Variants in PTPRB observed in about 807,000 individuals in gnomAD.
The protein encoded by PTPRB is receptor-type tyrosine-protein phosphatase beta.
In PTPRB, 97 loss-of-function variants were observed where a neutral mutation model predicts 238.1. The ratio of observed to expected loss-of-function variants is 0.41; its 90% CI spans 0.35 to 0.48. PTPRB has a LOEUF of 0.48. Ranked by LOEUF, PTPRB falls within the 20% of genes least tolerant of loss-of-function variation. PTPRB has a pLI of 0.30. For missense variants in PTPRB, 2,292 were observed against 2,681.9 expected (o/e 0.85, Z 3.21); for synonymous variants, 970 against 995.4 (o/e 0.97, Z 0.48).
chr12:70,617,010 A>G (rs879176105), intron 3 of PTPRB, among the ~76,000 whole-genome samples: 1 of 152,190 alleles, frequency 6.6e-6, no homozygotes, highest in Admixed American at 6.5e-5. Context: ...TCCACCAATA[A>G]TGTATTTTTC....
At chr12:70,564,471 A>G (rs1394972410) in intron 15 of PTPRB, among the ~76,000 whole-genome samples, 1 of 149,912 alleles carries the variant, frequency 6.7e-6, no homozygotes, top group Non-Finnish European at 1.5e-5. Context: ...GTGAGCTAAG[A>G]TCGCACCACT....
At chr12:70,559,050 C>CAGT (rs1220985457) in intron 18 of PTPRB, 1 of 519,748 alleles carries the variant, frequency 1.9e-6, no homozygotes, top group East Asian at 3.0e-5. Flanking sequence ...GATTACCTAA[C>CAGT]AAGTGTCTCC....
chr12:70,545,128 A>T (rs1447359804), intron 21 of PTPRB, among the ~76,000 whole-genome samples: 4 of 152,206 alleles, frequency 2.6e-5, no homozygotes, highest in Admixed American at 1.3e-4. Context: ...GAACTAAAAG[A>T]TTTGCTGATG....
At chr12:70,610,020 G>C (rs1480702673) in intron 3 of PTPRB, among the ~76,000 whole-genome samples, 1 of 151,966 alleles carries the variant, frequency 6.6e-6, no homozygotes, top group African/African-American at 2.4e-5. Context: ...GCGGACGCGA[G>C]AGGCGGCGGG....
At chr12:70,634,772 A>C (rs1885607801) in intron 2 of PTPRB, among the ~76,000 whole-genome samples, 1 of 152,234 alleles carries the variant, frequency 6.6e-6, no homozygotes, top group Non-Finnish European at 1.5e-5. Flanking sequence ...CAATTTACTT[A>C]ACCCTGAAAA....
At chr12:70,600,820 T>C (rs10784863) in intron 4 of PTPRB, among the ~76,000 whole-genome samples, 35,849 of 151,790 alleles carry the variant, frequency 0.24, 4,373 homozygotes, top group African/African-American at 0.3. Flanking sequence ...CTCAGCCTCA[T>C]GAGTAGCCAG....
intron 4 of PTPRB, among the ~76,000 whole-genome samples, chr12:70,598,532 G>T (rs917175783): frequency 6.6e-5 from 10 of 151,966 alleles, no homozygotes; most frequent in Admixed American, 5.2e-4. Context: ...TTTCCTATCT[G>T]GGGAGTATAA....
At chr12:70,583,261 G>A (rs544203827) in intron 9 of PTPRB, among the ~76,000 whole-genome samples, 1 of 152,036 alleles carries the variant, frequency 6.6e-6, no homozygotes, top group Non-Finnish European at 1.5e-5. Flanking sequence ...TCCCTTTCTG[G>A]CAGTATGATA....
At chr12:70,623,270 C>T (rs1230137233) in intron 2 of PTPRB, among the ~76,000 whole-genome samples, 1 of 152,118 alleles carries the variant, frequency 6.6e-6, no homozygotes, top group Non-Finnish European at 1.5e-5. Flanking sequence ...TCTGGAAGAA[C>T]AGAGAATTGA....
At chr12:70,528,645 G>A (rs950688596) in intron 32 of PTPRB, among the ~76,000 whole-genome samples, 8 of 152,232 alleles carry the variant, frequency 5.3e-5, no homozygotes, top group Admixed American at 2.0e-4. Context: ...ATCTCCCCAC[G>A]TAAATAAACA....
At chr12:70,587,410 A>C (rs1882028944) in intron 8 of PTPRB, 143 bp from the exon 9 acceptor site, 1 of 1,025,094 alleles carries the variant, frequency 9.8e-7, no homozygotes, top group Non-Finnish European at 1.4e-6. Context: ...TTAAAACAAA[A>C]TCTTATCACA....
chr12:70,532,230 A>G, intron 31 of PTPRB, 60 bp from the exon 32 acceptor site: 3 of 1,496,010 alleles, frequency 2.0e-6, no homozygotes, highest in South Asian at 2.7e-5. Flanking sequence ...TCAAGATTGC[A>G]TCTAGAGACT....
At position 70,635,662 on chromosome 12, in the gene PTPRB, A is replaced by G; in HGVS notation, c.451+9T>C. Reference sequence around the variant, plus strand: ...ACTTTCAGGATTTGCTCTGAAAGGAATAGCTCACCTTTTTGTAAACAGAGG... The same window carrying G: ...ACTTTCAGGATTTGCTCTGAAAGGAGTAGCTCACCTTTTTGTAAACAGAGG... On this transcript the variant is annotated intron_variant, in intron 2 of 33. Transcript: ENST00000334414. 3 of 1,611,450 alleles carry G rather than the reference A, an allele frequency of 1.9e-6. No individual in the cohort carries two copies. Among genetic ancestry groups the G allele is most frequent in the Non-Finnish European group, 2.5e-6 (3 of 1,178,344 alleles).
In PTPRB at chr12:70,515,930, T is replaced by C. The variant is rs548451460; in HGVS notation, c.*5559A>G. The C allele has an allele frequency of 1.1e-4, 2 of 18,566 alleles. No individual in the cohort carries two copies. The highest frequency in any genetic ancestry group is 1.8e-4 in the Non-Finnish European group (2 of 11,134). 1.2% of individuals were successfully genotyped at this position (18,566 alleles called of 1,614,324 possible). ...GAATGTATGCAAGATGCTATATAGA[T>C]TTTTTTTTTACCACAGTTACAAATA... On this transcript the variant is annotated 3_prime_UTR_variant, in exon 34 of 34. Transcript: ENST00000334414.
intron 14 of PTPRB, among the ~76,000 whole-genome samples, chr12:70,568,373 C>T (rs2136361896): frequency 6.6e-6 from 1 of 152,266 alleles, no homozygotes; most frequent in African/African-American, 2.4e-5. Context: ...TCTCAGCTCA[C>T]TGCAAGCTCC....
chr12:70,573,516 T>C (rs1275749135), intron 11 of PTPRB, among the ~76,000 whole-genome samples: 3 of 148,544 alleles, frequency 2.0e-5, no homozygotes, highest in Admixed American at 2.0e-4. Context: ...TTTTTTTTTT[T>C]TTTTTTTTGA....
At position 70,518,297 on chromosome 12, in the gene PTPRB, G is replaced by A. The variant is rs139838221; in HGVS notation, c.*3192C>T. 6.6e-6 allele frequency: 1 copy of A among 152,354 alleles called. No homozygotes were observed. The highest frequency in any genetic ancestry group is 2.4e-5 in the African/African-American group (1 of 41,556). The allele number at this position is 152,354 out of a possible 1,614,324, so 9.4% of individuals were successfully genotyped here. A position where few individuals can be genotyped will look rare whatever the true frequency, so the allele number is the denominator to read the frequency against. On this transcript the variant is annotated 3_prime_UTR_variant, in exon 34 of 34. Transcript: ENST00000334414. Reference sequence around the variant, plus strand: ...AAAACACAAAAATTAGCCAGACATGGTGGCAGGCACCTGTAATTCCAGCTA... The same window carrying A: ...AAAACACAAAAATTAGCCAGACATGATGGCAGGCACCTGTAATTCCAGCTA...
chr12:70,552,291 C>T (rs1041460437), intron 21 of PTPRB, among the ~76,000 whole-genome samples: 1 of 152,024 alleles, frequency 6.6e-6, no homozygotes, highest in Non-Finnish European at 1.5e-5. Flanking sequence ...GGAGACCAGC[C>T]TGGCCAACAT....
intron 17 of PTPRB, 115 bp from the exon 18 acceptor site, chr12:70,559,739 A>T: frequency 2.0e-6 from 2 of 1,001,912 alleles, no homozygotes; most frequent in Non-Finnish European, 2.9e-6. Flanking sequence ...GGAAGAGATA[A>T]TATGATAATA....
Sources: allele counts gnomAD v4.1 joint callset (sites outside exome capture counted in the v4.1 genomes callset), GRCh38; gene constraint gnomAD v4.1.1; transcripts MANE v1.5; gene names NCBI Gene and HGNC (gene_info 2026-07-23, HGNC 2026-07-21).